Variants in TMEM114 observed in about 807,000 individuals in gnomAD.
The protein encoded by TMEM114 is claudin-26.
Under a neutral mutation model 6.2 loss-of-function variants are expected in TMEM114, and 6 were observed. That is an observed-to-expected ratio of 0.97 (90% CI 0.53 to 1.91). The LOEUF (loss-of-function observed/expected upper bound fraction) is 1.91. Among genes scored for constraint, TMEM114 ranks in the 40% most tolerant of loss-of-function variants. The pLI is 0.01. For missense variants in TMEM114, 218 were observed against 158.3 expected, an observed-to-expected ratio of 1.38 and a Z score of -2.02; for synonymous variants, 104 against 73.0, an observed-to-expected ratio of 1.42 and a Z score of -2.16.
intron 2 of TMEM114, among the ~76,000 whole-genome samples, chr16:8,545,709 A>G (rs978489602): frequency 6.6e-6 from 1 of 152,208 alleles, no homozygotes; most frequent in Non-Finnish European, 1.5e-5. Flanking sequence ...CACTTTGAGA[A>G]TCAGTGAGCT....
chr16:8,558,535 G>A (rs4349131), intron 2 of TMEM114, among the ~76,000 whole-genome samples: 54,338 of 151,932 alleles, frequency 0.36, 10,170 homozygotes, highest in East Asian at 0.52. Flanking sequence ...TAATTACACC[G>A]GTAAAGACCG....
At chr16:8,553,147 C>T (rs999029502) in intron 2 of TMEM114, among the ~76,000 whole-genome samples, 2 of 152,190 alleles carry the variant, frequency 1.3e-5, no homozygotes, top group African/African-American at 2.4e-5. Context: ...GAGTGCCGAT[C>T]GCAGCCGTTT....
chr16:8,548,364 G>A (rs1398819622), intron 2 of TMEM114, among the ~76,000 whole-genome samples: 2 of 152,198 alleles, frequency 1.3e-5, no homozygotes, highest in Non-Finnish European at 2.9e-5. Flanking sequence ...GTGCCGGGTG[G>A]CACCTCTATA....
chr16:8,579,560 C>T (rs1019714584), intron 2 of TMEM114, among the ~76,000 whole-genome samples: 9 of 152,032 alleles, frequency 5.9e-5, no homozygotes, highest in Admixed American at 1.3e-4. Context: ...CAGGAGTCTC[C>T]GAGCAAAGAC....
intron 2 of TMEM114, among the ~76,000 whole-genome samples, chr16:8,572,532 C>T (rs570031824): frequency 2.6e-5 from 4 of 152,278 alleles, no homozygotes; most frequent in Admixed American, 6.5e-5. Flanking sequence ...ACCTCCTGGG[C>T]TTAAGGAAAC....
downstream of TMEM114, among the ~76,000 whole-genome samples, chr16:8,567,075 T>G (rs907077804): frequency 1.3e-4 from 18 of 135,212 alleles, no homozygotes; most frequent in African/African-American, 3.1e-4. Context: ...TATTTTTTTT[T>G]TTTTTGTATT....
chr16:8,588,532 C>T (rs1220589839), intron 2 of TMEM114, among the ~76,000 whole-genome samples: 2 of 152,186 alleles, frequency 1.3e-5, no homozygotes, highest in Non-Finnish European at 2.9e-5. Flanking sequence ...GTTTATTTCC[C>T]TCCCTCCACA....
rs137932297 is a variant in TMEM114, at chr16:8,553,966, G to A, written n.213-16140C>T. Among the ~76,000 whole-genome samples, 820 of 151,676 alleles carry A rather than the reference G, an allele frequency of 5.4e-3. 3 individuals carry two copies. The highest frequency in any genetic ancestry group is 0.019 in the African/African-American group (777 of 41,334). On this transcript the variant is annotated intron_variant and non_coding_transcript_variant, in intron 2 of 2. Transcript: ENST00000623677. ...CAATCTCAGCTCACTGCAACCTCTG[G>A]CTCCCAGGTTCAAGCGATTCTCATG...
chr16:8,548,504 C>A (rs191177348), intron 2 of TMEM114, among the ~76,000 whole-genome samples: 114 of 152,198 alleles, frequency 7.5e-4, no homozygotes, highest in African/African-American at 2.7e-3. Flanking sequence ...CCCACACACA[C>A]CCTTGAAATA....
chr16:8,551,546 C>T (rs765325631), intron 2 of TMEM114, among the ~76,000 whole-genome samples: 2 of 152,214 alleles, frequency 1.3e-5, no homozygotes, highest in Non-Finnish European at 2.9e-5. Context: ...CTTCCTGTGG[C>T]CAAAGCAAAG....
chr16:8,563,021 TGAGG>T (rs146053677), intron 2 of TMEM114, among the ~76,000 whole-genome samples: 15 of 112,880 alleles, frequency 1.3e-4, no homozygotes, highest in Admixed American at 1.9e-4. Flanking sequence ...AATGAGTGAG[TGAGG>T]GAATGAGTGA....
At chr16:8,541,472 C>A (rs1160729639) in intron 2 of TMEM114, among the ~76,000 whole-genome samples, 2 of 152,126 alleles carry the variant, frequency 1.3e-5, no homozygotes, top group African/African-American at 4.8e-5. Flanking sequence ...AGATCAGAGA[C>A]AATTCGTCTG....
chr16:8,568,800 G>A (rs1182157728), downstream of TMEM114, among the ~76,000 whole-genome samples: 1 of 152,208 alleles, frequency 6.6e-6, no homozygotes, highest in Non-Finnish European at 1.5e-5. Flanking sequence ...AAACACTGAT[G>A]CCTGGACACC....
chr16:8,529,811 G>A, the TMEM114 span, among the ~76,000 whole-genome samples: 2 of 152,018 alleles, frequency 1.3e-5, no homozygotes, highest in East Asian at 3.9e-4. Flanking sequence ...TCTTGGGCAT[G>A]TGGAGAGTTT....
rs111676078 is a variant in TMEM114 at position 8,554,994 on chromosome 16, G to T, written n.213-17168C>A. Among the ~76,000 whole-genome samples, 124 of 152,348 alleles carry T rather than the reference G, an allele frequency of 8.1e-4. 1 individual carries two copies. The highest frequency in any genetic ancestry group is 2.8e-3 in the African/African-American group (117 of 41,572). ...GGAAATATGGTCTCATAGATGGCTG[G>T]AAGTCAGAAGGTGAGGCAGCCTTCA... On this transcript the variant is annotated intron_variant and non_coding_transcript_variant, in intron 2 of 2. Transcript: ENST00000623677.
chr16:8,584,411 C>T (rs959964257), intron 2 of TMEM114, among the ~76,000 whole-genome samples: 3 of 152,168 alleles, frequency 2.0e-5, no homozygotes, highest in Non-Finnish European at 4.4e-5. Flanking sequence ...AACAAACCCA[C>T]GACTTCCCCA....
chr16:8,562,560 AT>A (rs1421193691), intron 2 of TMEM114, among the ~76,000 whole-genome samples: 3 of 70,842 alleles, frequency 4.2e-5, no homozygotes, highest in African/African-American at 1.6e-4. Flanking sequence ...GAGTGCGTCA[AT>A]GAGTGAGTGA....
intron 2 of TMEM114, among the ~76,000 whole-genome samples, chr16:8,555,056 C>A (rs1169311549): frequency 6.6e-6 from 1 of 152,240 alleles, no homozygotes; most frequent in Admixed American, 6.5e-5. Flanking sequence ...TTTCCCTCCC[C>A]TCTCCTCCCA....
In TMEM114 at chr16:8,581,564, G is replaced by A. The variant is rs190885821; in HGVS notation, c.301+7649C>T. On this transcript the variant is annotated intron_variant, in intron 2 of 3. Coordinates refer to ENST00000620492, the MANE Select transcript of TMEM114 (RefSeq NM_001146336.2). ...TGCCTCTTGAGCTCAAGCAATTCCC[G>A]TGCCTCAGCCTCCCAAGTAGCTGGG... Among the ~76,000 whole-genome samples the A allele has an allele frequency of 2.1e-3, 319 of 151,874 alleles. 2 individuals are homozygous for A. Among genetic ancestry groups the A allele is most frequent in the Non-Finnish European group, 3.4e-3 (233 of 67,906 alleles).
Sources: gnomAD v4.1 joint callset for allele counts (sites outside exome capture counted in the v4.1 genomes callset) on GRCh38, gnomAD v4.1.1 for gene constraint, MANE v1.5 for transcripts, NCBI Gene and HGNC (gene_info 2026-07-23, HGNC 2026-07-21) for gene names.